Variants in ATP2B1 observed in about 807,000 individuals in gnomAD.
The protein encoded by ATP2B1 is plasma membrane calcium-transporting ATPase 1.
A neutral mutation model predicts 124.2 loss-of-function variants in ATP2B1; 14 were observed. The ratio of observed to expected loss-of-function variants is 0.11; its 90% CI spans 0.07 to 0.18. The LOEUF (loss-of-function observed/expected upper bound fraction) is 0.18, where lower values mean the gene tolerates loss of function less well. Ranked by LOEUF, ATP2B1 falls within the 10% of genes least tolerant of loss-of-function variation. The pLI, the probability that ATP2B1 is intolerant of heterozygous loss-of-function variation, is 1.00. For synonymous variants in ATP2B1, 449 were observed against 492.4 expected, an observed-to-expected ratio of 0.91 and a Z score of 1.17; for missense variants, 763 against 1,466.1, an observed-to-expected ratio of 0.52 and a Z score of 7.83.
At chr12:89,658,639 G>T (rs1027885410) in intron 1 of ATP2B1, among the ~76,000 whole-genome samples, 18 of 150,778 alleles carry the variant, frequency 1.2e-4, no homozygotes, top group African/African-American at 3.4e-4. Flanking sequence ...GAGAGAGAGA[G>T]AGAGAGAGAT....
chr12:89,609,703 CAAT>C (rs1373368265), intron 15 of ATP2B1, among the ~76,000 whole-genome samples: 1 of 152,092 alleles, frequency 6.6e-6, no homozygotes, highest in Non-Finnish European at 1.5e-5. Context: ...AGCCAACATA[CAAT>C]ATTATTAAAT....
intron 1 of ATP2B1, among the ~76,000 whole-genome samples, chr12:89,702,821 A>G (rs1892009393): frequency 1.3e-5 from 2 of 152,204 alleles, no homozygotes. Context: ...GTTGGAAGTC[A>G]CTGTACTTAG....
chr12:89,602,956 C>A, intron 18 of ATP2B1, 87 bp downstream of exon 18: 1 of 1,182,096 alleles, frequency 8.5e-7, no homozygotes, highest in Non-Finnish European at 1.2e-6. Context: ...CACACATGTT[C>A]CACACAAGTG....
chr12:89,661,911 GC>G (rs1246521039), intron 1 of ATP2B1, among the ~76,000 whole-genome samples: 1 of 152,042 alleles, frequency 6.6e-6, no homozygotes, highest in Non-Finnish European at 1.5e-5. Flanking sequence ...TAAAAATCCA[GC>G]CCTACCCCAC....
chr12:89,606,843 TG>T lies in ATP2B1; in HGVS notation c.2443-2498del, dbSNP rs537354327. Among the ~76,000 whole-genome samples, 337 of 152,284 alleles carry T rather than the reference TG, an allele frequency of 2.2e-3. 2 individuals are homozygous for T. The highest frequency in any genetic ancestry group is 7.5e-3 in the African/African-American group (313 of 41,562). On this transcript the variant is annotated intron_variant, in intron 15 of 20. Transcript: ENST00000428670. ...CACCCGCCTCGGCCTCCCAAAGTGC[TG>T]GGATTACAGGTGTGAGCCACCATGC...
At chr12:89,689,422 T>C (rs552698717) in intron 1 of ATP2B1, among the ~76,000 whole-genome samples, 14 of 152,036 alleles carry the variant, frequency 9.2e-5, no homozygotes, top group African/African-American at 2.4e-4. Context: ...CAGAAGGAAA[T>C]TGGGTCTTCC....
At chr12:89,641,606 T>C (rs1266018892) in intron 3 of ATP2B1, among the ~76,000 whole-genome samples, 1 of 152,184 alleles carries the variant, frequency 6.6e-6, no homozygotes, top group Non-Finnish European at 1.5e-5. Flanking sequence ...ATGTCGGCAC[T>C]CAAAAATTTT....
At chr12:89,681,903 T>C (rs962050334) in intron 1 of ATP2B1, among the ~76,000 whole-genome samples, 2 of 152,012 alleles carry the variant, frequency 1.3e-5, no homozygotes, top group Non-Finnish European at 2.9e-5. Context: ...ATTCTAAAGA[T>C]ACCAGTGAAG....
chr12:89,618,892 T>C (rs1046244066), intron 11 of ATP2B1, among the ~76,000 whole-genome samples: 10 of 152,348 alleles, frequency 6.6e-5, no homozygotes, highest in African/African-American at 2.2e-4. Context: ...TGTAAGCAAA[T>C]TAAAAGTATA....
intron 1 of ATP2B1, among the ~76,000 whole-genome samples, chr12:89,668,730 A>T (rs972028439): frequency 1.3e-5 from 2 of 152,182 alleles, no homozygotes; most frequent in African/African-American, 4.8e-5. Flanking sequence ...GTAGTAGACC[A>T]ACAGAGGAGG....
At chr12:89,656,159 T>C in intron 1 of ATP2B1, 52 bp from the exon 2 acceptor site, 1 of 409,226 alleles carries the variant, frequency 2.4e-6, no homozygotes, top group Non-Finnish European at 4.3e-6. Flanking sequence ...AAGAGTATTA[T>C]GCATGTAAGC....
chr12:89,621,586 C>A lies in ATP2B1; in HGVS notation c.1550G>T (p.Gly517Val). The change falls in exon 10 of 21, where the codon GGA becomes GTA. Residue 517 changes from glycine to valine, a missense_variant. Transcript: ENST00000428670. ...TGTATAAGCACAATTCACAGAAATTCCTGTTACAAGATAGGACAAAATATT... is the reference window on the plus strand; with the variant it reads ...TGTATAAGCACAATTCACAGAAATTACTGTTACAAGATAGGACAAAATATT... ...PPNILSYLVTGISVNCAYTSK... is the reference protein window; with the variant it reads ...PPNILSYLVTVISVNCAYTSK... 6.3e-7 allele frequency: 1 copy of A among 1,597,466 alleles called. No homozygotes were observed. The highest frequency in any genetic ancestry group is 1.1e-5 in the South Asian group (1 of 88,218).
chr12:89,665,133 A>C (rs1887156843), intron 1 of ATP2B1, among the ~76,000 whole-genome samples: 1 of 152,180 alleles, frequency 6.6e-6, no homozygotes, highest in African/African-American at 2.4e-5. Flanking sequence ...CCGGCCTATT[A>C]TGCTATTCTT....
chr12:89,604,418 C>G (rs750588645), intron 15 of ATP2B1, 72 bp from the exon 16 acceptor site: 58 of 1,202,738 alleles, frequency 4.8e-5, no homozygotes, highest in Non-Finnish European at 6.6e-5. Flanking sequence ...AAAATACACA[C>G]TTAATAAACA....
chr12:89,682,484 A>G (rs1427752790), intron 1 of ATP2B1, among the ~76,000 whole-genome samples: 1 of 152,216 alleles, frequency 6.6e-6, no homozygotes, highest in African/African-American at 2.4e-5. Flanking sequence ...TATGAATAAA[A>G]CAGTATGGCA....
chr12:89,660,300 A>G (rs1176016228), intron 1 of ATP2B1, among the ~76,000 whole-genome samples: 2 of 152,238 alleles, frequency 1.3e-5, no homozygotes, highest in Non-Finnish European at 1.5e-5. Context: ...AATACGTTAC[A>G]TGACAGAATT....
intron 1 of ATP2B1, among the ~76,000 whole-genome samples, chr12:89,658,259 A>G (rs568479740): frequency 6.6e-6 from 1 of 152,306 alleles, no homozygotes; most frequent in South Asian, 2.1e-4. Context: ...CTGCTATCCC[A>G]TCAATCACCA....
At chr12:89,682,216 C>T (rs942974867) in intron 1 of ATP2B1, among the ~76,000 whole-genome samples, 1 of 151,972 alleles carries the variant, frequency 6.6e-6, no homozygotes, top group East Asian at 1.9e-4. Flanking sequence ...GTAAAAACAC[C>T]TGAAATATAA....
intron 10 of ATP2B1, among the ~76,000 whole-genome samples, chr12:89,621,068 G>A (rs1279417961): frequency 6.6e-6 from 1 of 152,052 alleles, no homozygotes; most frequent in East Asian, 1.9e-4. Context: ...CACAAGTCTA[G>A]AATTACTTTA....
Sources: allele counts gnomAD v4.1 joint callset (sites outside exome capture counted in the v4.1 genomes callset), GRCh38; gene constraint gnomAD v4.1.1; transcripts MANE v1.5; gene names NCBI Gene and HGNC (gene_info 2026-07-23, HGNC 2026-07-21).